The following XRCC5 variants were observed in gnomAD, a reference collection of about 807,000 sequenced individuals.
XRCC5 encodes the protein X-ray repair cross complementing 5.
In XRCC5, 12 loss-of-function variants were observed where a neutral mutation model predicts 95.7. The observed-to-expected ratio is 0.13, with a 90% CI of 0.08 to 0.20. XRCC5 has a LOEUF of 0.20. Among genes scored for constraint, XRCC5 ranks in the 10% least tolerant of loss-of-function variants. XRCC5 has a pLI of 1.00. For synonymous variants in XRCC5, 281 were observed against 290.3 expected (o/e 0.97, Z 0.33); for missense variants, 595 against 873.9 (o/e 0.68, Z 4.02).
At chr2:216,146,753 A>C (rs1688643273) in intron 13 of XRCC5, among the ~76,000 whole-genome samples, 1 of 152,162 alleles carries the variant, frequency 6.6e-6, no homozygotes, top group Non-Finnish European at 1.5e-5. Context: ...TGCTGTGTAG[A>C]ACTTCACTCA....
At position 216,119,024 on chromosome 2, in the gene XRCC5, T is replaced by G. The variant is rs1696752734; in HGVS notation, c.369-19T>G. The G allele has an allele frequency of 7.4e-6, 12 of 1,611,636 alleles. No individual in the cohort carries two copies. The highest frequency in any genetic ancestry group is 1.0e-5 in the Non-Finnish European group (12 of 1,178,260). ...AATTCAGGAGAATGATTTCTTAATA[T>G]GATAACTCTCTCTTTTAGAGGAAAG... On this transcript the variant is annotated intron_variant, in intron 4 of 20. Transcript: ENST00000392132.
chr2:216,110,306 T>C (rs1049365988), intron 1 of XRCC5, among the ~76,000 whole-genome samples: 1 of 152,066 alleles, frequency 6.6e-6, no homozygotes, highest in Non-Finnish European at 1.5e-5. Context: ...TAGAGGGAGA[T>C]GTGGTTCCAG....
chr2:216,129,934 C>G (rs1388754168), intron 8 of XRCC5, among the ~76,000 whole-genome samples: 1 of 152,116 alleles, frequency 6.6e-6, no homozygotes, highest in African/African-American at 2.4e-5. Context: ...CCTCGGCCTC[C>G]CCAAGTGCTA....
chr2:216,116,163 C>T (rs914802493), intron 2 of XRCC5, among the ~76,000 whole-genome samples: 6 of 151,812 alleles, frequency 4.0e-5, no homozygotes, highest in African/African-American at 1.5e-4. Context: ...CAGTTTTTGC[C>T]CTATCATAAA....
intron 16 of XRCC5, among the ~76,000 whole-genome samples, chr2:216,176,510 C>G (rs1347595746): frequency 6.6e-6 from 1 of 152,116 alleles, no homozygotes; most frequent in African/African-American, 2.4e-5. Flanking sequence ...TTCCTTTTGT[C>G]TAATTTTTTA....
chr2:216,177,936 C>A (rs1471847582), intron 16 of XRCC5, among the ~76,000 whole-genome samples: 1 of 152,168 alleles, frequency 6.6e-6, no homozygotes, highest in African/African-American at 2.4e-5. Context: ...GTAGAAGCTA[C>A]AAACCAAAGA....
At chr2:216,155,489 T>C (rs1389764282) in intron 14 of XRCC5, among the ~76,000 whole-genome samples, 1 of 151,882 alleles carries the variant, frequency 6.6e-6, no homozygotes, top group African/African-American at 2.4e-5. Context: ...ATGATACCAG[T>C]TGTTGGTGAG....
chr2:216,161,540 C>T (rs770220382), intron 15 of XRCC5, among the ~76,000 whole-genome samples: 1 of 152,174 alleles, frequency 6.6e-6, no homozygotes, highest in Non-Finnish European at 1.5e-5. Context: ...CTAATGGGCA[C>T]TTCGGTGAAT....
intron 1 of XRCC5, chr2:216,111,369 T>A (rs1048326624): frequency 2.2e-6 from 1 of 449,658 alleles, no homozygotes; most frequent in Non-Finnish European, 4.4e-6. Flanking sequence ...AAAAAAAATT[T>A]AAGAATTAGC....
rs1689925427 is a variant in XRCC5 at position 216,205,391 on chromosome 2, A to G, written c.*189A>G. 1.6e-6 allele frequency: 1 copy of G among 633,986 alleles called. No individual in the cohort carries two copies. Among genetic ancestry groups the G allele is most frequent in the Non-Finnish European group, 2.8e-6 (1 of 357,516 alleles). 39.3% of individuals were successfully genotyped at this position (633,986 alleles called of 1,614,324 possible). Reference sequence around the variant, plus strand: ...ACATATATATTACAAGGGATAATTTAGACCCCATACAAGTTTATAAAGAGT... The same window carrying G: ...ACATATATATTACAAGGGATAATTTGGACCCCATACAAGTTTATAAAGAGT... On this transcript the variant is annotated 3_prime_UTR_variant, in exon 21 of 21. Transcript: ENST00000392132.
chr2:216,122,329 A>C, intron 6 of XRCC5, 76 bp downstream of exon 6: 2 of 1,398,406 alleles, frequency 1.4e-6, no homozygotes, highest in Non-Finnish European at 1.9e-6. Context: ...GGTCTCCCAA[A>C]TGTTTCCTTT....
chr2:216,180,143 G>A (rs556427158), intron 16 of XRCC5, among the ~76,000 whole-genome samples: 7 of 152,316 alleles, frequency 4.6e-5, no homozygotes, highest in East Asian at 1.9e-4. Flanking sequence ...TGTATAAATC[G>A]TGGAGAAGGA....
chr2:216,156,449 G>A (rs747181237), intron 14 of XRCC5: 3 of 713,586 alleles, frequency 4.2e-6, no homozygotes, highest in Middle Eastern at 2.5e-4. Flanking sequence ...AGTCTCTATC[G>A]TACAGCACTG....
intron 1 of XRCC5, 65 bp downstream of exon 1, chr2:216,109,522 G>A (rs894218640): frequency 1.9e-6 from 3 of 1,605,110 alleles, no homozygotes; most frequent in Admixed American, 1.7e-5. Context: ...TGGTTCGGAA[G>A]CAGGAATCGT....
chr2:216,136,558 G>T (rs1340819329), intron 10 of XRCC5, among the ~76,000 whole-genome samples: 1 of 152,202 alleles, frequency 6.6e-6, no homozygotes, highest in East Asian at 1.9e-4. Context: ...AGTATATAGA[G>T]ACAGTGGAAT....
At chr2:216,156,733 A>G (rs668007) in intron 14 of XRCC5, 2 of 536,006 alleles carry the variant, frequency 3.7e-6, no homozygotes, top group Non-Finnish European at 7.6e-6. Flanking sequence ...TTATTCCTCA[A>G]ATGAGGATTT....
chr2:216,131,190 C>G (rs1271421329), intron 9 of XRCC5: 1 of 985,314 alleles, frequency 1.0e-6, no homozygotes, highest in East Asian at 1.1e-4. Flanking sequence ...TCTATATGAG[C>G]ATAGCAAACT....
rs983588719 is a variant in XRCC5 at position 216,154,098 on chromosome 2, T to C, written c.1670+5822T>C. Among the ~76,000 whole-genome samples, 48 of 152,240 alleles carry C rather than the reference T, an allele frequency of 3.2e-4. 1 individual carries two copies. Among genetic ancestry groups the C allele is most frequent in the South Asian group, 2.1e-4 (1 of 4,834 alleles). On this transcript the variant is annotated intron_variant, in intron 14 of 20. Coordinates refer to ENST00000392132, the MANE Select transcript of XRCC5 (RefSeq NM_021141.4). ...ATCTAACGCTTTCACTTAAGGTTAGTCTGGTGGCTAATGGCATTGATTTTG... is the reference window on the plus strand; with the variant it reads ...ATCTAACGCTTTCACTTAAGGTTAGCCTGGTGGCTAATGGCATTGATTTTG...
At chr2:216,164,464 G>T (rs1689016887) in intron 16 of XRCC5, among the ~76,000 whole-genome samples, 1 of 152,240 alleles carries the variant, frequency 6.6e-6, no homozygotes, top group Admixed American at 6.5e-5. Flanking sequence ...AAGAAATGAA[G>T]AAAATGTTAG....
Sources: allele counts gnomAD v4.1 joint callset (sites outside exome capture counted in the v4.1 genomes callset), GRCh38; gene constraint gnomAD v4.1.1; transcripts MANE v1.5; gene names NCBI Gene and HGNC (gene_info 2026-07-23, HGNC 2026-07-21).